LAG3: variants seen among roughly 807,000 people sequenced by gnomAD.
The protein encoded by LAG3 is lymphocyte activating 3, also known as lymphocyte activation gene 3 protein.
In LAG3, 29 loss-of-function variants were observed where a neutral mutation model predicts 49.0. The ratio of observed to expected loss-of-function variants is 0.59; its 90% CI spans 0.44 to 0.81. LAG3 has a LOEUF of 0.81. LAG3 is among the 30% of genes least tolerant of loss of function. The pLI is 0.00. For missense variants in LAG3, 693 were observed against 695.2 expected (o/e 1.00, Z 0.04); for synonymous variants, 320 against 297.3 (o/e 1.08, Z -0.79).
In LAG3 at chr12:6,775,499, T is replaced by C. The variant is rs759009654; in HGVS notation, c.1008T>C (p.His336=). 11 of 1,614,134 alleles carry C rather than the reference T, an allele frequency of 6.8e-6. No homozygotes were observed. The highest frequency in any genetic ancestry group is 2.2e-5 in the East Asian group (1 of 44,888). ...CTGGGACCTACACCTGCCATATCCA[T>C]CTGCAGGAACAGCAGCTCAATGCCA... ...AQAGTYTCHI[H]LQEQQLNATV... Residue 336 remains histidine, a synonymous_variant, in exon 5 of 8, where the codon CAT becomes CAC. Transcript: ENST00000203629.
rs756319241 is a variant in LAG3, at chr12:6,774,781, C to G, written c.698C>G (p.Pro233Arg). Reference sequence around the variant, plus strand: ...TTCCTCTTCCTGCCCCAAGTCAGCCCCATGGACTCTGGGCCCTGGGGCTGC... The same window carrying G: ...TTCCTCTTCCTGCCCCAAGTCAGCCGCATGGACTCTGGGCCCTGGGGCTGC... ...ESFLFLPQVS[P>R]MDSGPWGCIL... is the part of the protein sequence containing the mutation. The change falls in exon 4 of 8, where the codon CCC becomes CGC. Residue 233 changes from proline (P) to arginine (R), a missense_variant. Transcript: ENST00000203629. 1 of 1,614,158 alleles carries G rather than the reference C, an allele frequency of 6.2e-7. No homozygotes were observed. The highest frequency in any genetic ancestry group is 8.5e-7 in the Non-Finnish European group (1 of 1,180,006).
At chr12:6,776,254 C>T (rs1475235432) in intron 5 of LAG3, among the ~76,000 whole-genome samples, 1 of 152,140 alleles carries the variant, frequency 6.6e-6, no homozygotes, top group Non-Finnish European at 1.5e-5. Context: ...GTTATACCAC[C>T]TCTCAGCCGC....
chr12:6,773,074 A>T lies in LAG3; in HGVS notation c.59-118A>T. ...GAAAGCCTCTCTGGGCAGAGAAGAA[A>T]CAGAAACCCAAGTTCTTCCTGCACC... On this transcript the variant is annotated intron_variant, in intron 1 of 7. Coordinates refer to ENST00000203629, the MANE Select transcript of LAG3 (RefSeq NM_002286.6). This position sits in a 1 kb window ranked among gnomAD's most constrained non-coding sequence, Gnocchi z 5.5. The T allele has an allele frequency of 2.1e-6, 3 of 1,422,488 alleles. No homozygotes were observed. The highest frequency in any genetic ancestry group is 2.9e-6 in the Non-Finnish European group (3 of 1,041,554). 88.1% of individuals were successfully genotyped at this position (1,422,488 alleles called of 1,614,324 possible).
chr12:6,774,267 G>A (rs1026543789), intron 3 of LAG3, among the ~76,000 whole-genome samples: 3 of 152,224 alleles, frequency 2.0e-5, no homozygotes, highest in African/African-American at 4.8e-5. Flanking sequence ...GGGGAGGGGG[G>A]GAGAGCATGG....
chr12:6,773,476 C>A lies in LAG3; in HGVS notation c.206+137C>A. ...CCCAGTCTCCCTGCCCTCGCTTGCA[C>A]CGTTCCTGCCCTTGCTCTGCAATCA... On this transcript the variant is annotated intron_variant, in intron 2 of 7. Coordinates refer to ENST00000203629, the MANE Select transcript of LAG3 (RefSeq NM_002286.6). The surrounding 1 kb of genome is among the most constrained non-coding windows in gnomAD (Gnocchi z 5.5). 1 of 1,179,996 alleles carries A rather than the reference C, an allele frequency of 8.5e-7. No individual in the cohort carries two copies. Among genetic ancestry groups the A allele is most frequent in the Non-Finnish European group, 1.2e-6 (1 of 850,844 alleles). The allele number at this position is 1,179,996 out of a possible 1,614,324, so 73.1% of individuals were successfully genotyped here.
Position 6,772,623 on chromosome 12 carries a change from T to G in LAG3, c.-230T>G, listed in dbSNP as rs1463883295. ...CTGGGACACCCCCGCCCCCACCTCCTCAGGCTGCCTGATCTGCCCAGCTTT... is the reference window on the plus strand; with the variant it reads ...CTGGGACACCCCCGCCCCCACCTCCGCAGGCTGCCTGATCTGCCCAGCTTT... On this transcript the variant is annotated 5_prime_UTR_variant, in exon 1 of 8. Coordinates refer to ENST00000203629, the MANE Select transcript of LAG3 (RefSeq NM_002286.6). 1.1e-4 allele frequency: 23 copies of G among 203,122 alleles called. No individual in the cohort carries two copies. The highest frequency in any genetic ancestry group is 3.8e-5 in the Non-Finnish European group (4 of 104,722). The allele number at this position is 203,122 out of a possible 1,614,324, so 12.6% of individuals were successfully genotyped here.
chr12:6,773,709 T>G lies in LAG3; in HGVS notation c.219T>G (p.Ala73=). The part of the protein sequence containing the change: ...WQHQPDSGPP[A]AAPGHPLAPG... ...CTTTCCCGCCCAGTGGCCCGCCCGC[T>G]GCCGCCCCCGGCCATCCCCTGGCCC... The change falls in exon 3 of 8, where the codon GCT becomes GCG. Residue 73 remains alanine (A), a synonymous_variant. Coordinates refer to ENST00000203629, the MANE Select transcript of LAG3 (RefSeq NM_002286.6). This position sits in a 1 kb window ranked among gnomAD's most constrained non-coding sequence, Gnocchi z 5.5. The G allele has an allele frequency of 7.4e-7, 1 of 1,352,968 alleles. No individual in the cohort carries two copies. Among genetic ancestry groups the G allele is most frequent in the Non-Finnish European group, 9.4e-7 (1 of 1,059,110 alleles). The allele number at this position is 1,352,968 out of a possible 1,614,324, so 83.8% of individuals were successfully genotyped here. A position where few individuals can be genotyped will look rare whatever the true frequency, so the allele number is the denominator to read the frequency against.
Position 6,773,048 on chromosome 12 carries a change from C to G in LAG3, c.58+138C>G. 1 of 1,374,372 alleles carries G rather than the reference C, an allele frequency of 7.3e-7. No homozygotes were observed. The highest frequency in any genetic ancestry group is 1.0e-6 in the Non-Finnish European group (1 of 988,990). 85.1% of individuals were successfully genotyped at this position (1,374,372 alleles called of 1,614,324 possible). A position where few individuals can be genotyped will look rare whatever the true frequency, so the allele number is the denominator to read the frequency against. ...CCTTTTTTGGGCAGTCCTTCCACCC[C>G]GAAAGCCTCTCTGGGCAGAGAAGAA... On this transcript the variant is annotated intron_variant, in intron 1 of 7. Coordinates refer to ENST00000203629, the MANE Select transcript of LAG3 (RefSeq NM_002286.6). The surrounding 1 kb of genome is among the most constrained non-coding windows in gnomAD (Gnocchi z 5.5).
chr12:6,775,160 C>A, intron 4 of LAG3, 113 bp from the exon 5 acceptor site: 1 of 1,209,260 alleles, frequency 8.3e-7, no homozygotes, highest in Non-Finnish European at 1.2e-6. Flanking sequence ...CTCCTTAGCA[C>A]TCTTATGAGC....
In LAG3 at chr12:6,774,671, C is replaced by T. The variant is rs773082311; in HGVS notation, c.588C>T (p.Arg196=). 7 of 1,614,080 alleles carry T rather than the reference C, an allele frequency of 4.3e-6. No individual in the cohort carries two copies. Among genetic ancestry groups the T allele is most frequent in the East Asian group, 2.2e-5 (1 of 44,896 alleles). ...ILNCSFSRPD[R]PASVHWFRNR... ...ACTGCTCCTTCAGCCGCCCTGACCG[C>T]CCAGCCTCTGTGCATTGGTTCCGGA... The change falls in exon 4 of 8, where the codon CGC becomes CGT. Residue 196 remains arginine, a synonymous_variant. Coordinates refer to ENST00000203629, the MANE Select transcript of LAG3 (RefSeq NM_002286.6).
At chr12:6,774,067 G>A in intron 3 of LAG3, 66 bp downstream of exon 3, 2 of 1,369,040 alleles carry the variant, frequency 1.5e-6, no homozygotes, top group Non-Finnish European at 1.9e-6. Context: ...CTCCCGGGAC[G>A]CAGGAAGGGC....
chr12:6,777,223 G>T, intron 5 of LAG3, 41 bp from the exon 6 acceptor site: 4 of 1,612,436 alleles, frequency 2.5e-6, no homozygotes, highest in Non-Finnish European at 2.5e-6. Context: ...CACGTAAGGG[G>T]GGCAGAATCC....
In LAG3 at chr12:6,773,944, C is replaced by A; in HGVS notation, c.454C>A (p.His152Asn). 1 of 1,415,750 alleles carries A rather than the reference C, an allele frequency of 7.1e-7. No individual in the cohort carries two copies. Among genetic ancestry groups the A allele is most frequent in the Non-Finnish European group, 9.1e-7 (1 of 1,093,898 alleles). The allele number at this position is 1,415,750 out of a possible 1,614,324, so 87.7% of individuals were successfully genotyped here. ...ADAGEYRAAV[H>N]LRDRALSCRL... ...CGCCGGCGAGTACCGCGCCGCGGTGCACCTCAGGGACCGCGCCCTCTCCTG... is the reference window on the plus strand; with the variant it reads ...CGCCGGCGAGTACCGCGCCGCGGTGAACCTCAGGGACCGCGCCCTCTCCTG... Residue 152 changes from histidine (H) to asparagine (N), a missense_variant, in exon 3 of 8, where the codon CAC becomes AAC. By Grantham distance (68) the His-to-Asn change is moderately conservative (BLOSUM62 1). Transcript: ENST00000203629. The surrounding 1 kb of genome is among the most constrained non-coding windows in gnomAD (Gnocchi z 5.5).
At chr12:6,776,347 C>T (rs1314972800) in intron 5 of LAG3, among the ~76,000 whole-genome samples, 1 of 152,198 alleles carries the variant, frequency 6.6e-6, no homozygotes, top group East Asian at 1.9e-4. Flanking sequence ...CCATCCACCT[C>T]GAAACCTGGC....
Position 6,775,380 on chromosome 12 carries a change from A to C in LAG3, c.889A>C (p.Lys297Gln), listed in dbSNP as rs777356272. The C allele has an allele frequency of 6.2e-7, 1 of 1,614,194 alleles. No homozygotes were observed. Among genetic ancestry groups the C allele is most frequent in the Admixed American group, 1.7e-5 (1 of 60,028 alleles). ...GGGGACCCGGTCTTTCCTCACTGCCAAGTGGACTCCTCCTGGGGGAGGCCC... is the reference window on the plus strand; with the variant it reads ...GGGGACCCGGTCTTTCCTCACTGCCCAGTGGACTCCTCCTGGGGGAGGCCC... ...GVGTRSFLTAKWTPPGGGPDL... is the reference protein window; with the variant it reads ...GVGTRSFLTAQWTPPGGGPDL... The change falls in exon 5 of 8, where the codon AAG (lysine) becomes CAG (glutamine). Residue 297 changes from lysine (K) to glutamine (Q), a missense_variant. Transcript: ENST00000203629.
chr12:6,773,000 T>C, intron 1 of LAG3, 90 bp downstream of exon 1: 1 of 1,455,366 alleles, frequency 6.9e-7, no homozygotes, highest in Non-Finnish European at 9.6e-7. Context: ...CTGAGGTCCT[T>C]AGCTCTGTGG....
chr12:6,777,723 G>A, intron 6 of LAG3, 68 bp from the exon 7 acceptor site: 2 of 1,575,010 alleles, frequency 1.3e-6, no homozygotes, highest in African/African-American at 1.3e-5. Flanking sequence ...CATCTGTAAA[G>A]TCTGAGAGAA....
chr12:6,776,390 G>T (rs978509515), intron 5 of LAG3, among the ~76,000 whole-genome samples: 3 of 152,126 alleles, frequency 2.0e-5, no homozygotes, highest in Non-Finnish European at 4.4e-5. Context: ...AGTCATCAAA[G>T]TCCACCAGTT....
Position 6,775,459 on chromosome 12 carries a change from T to C in LAG3, c.968T>C (p.Val323Ala). The change falls in exon 5 of 8, where the codon GTG becomes GCG. Residue 323 changes from valine (V) to alanine (A), a missense_variant. Transcript: ENST00000203629. ...GACTTTACCCTTCGACTAGAGGATG[T>C]GAGCCAGGCCCAGGCTGGGACCTAC... ...NGDFTLRLEDVSQAQAGTYTC... is the reference protein window; with the variant it reads ...NGDFTLRLEDASQAQAGTYTC... The C allele has an allele frequency of 6.2e-7, 1 of 1,614,044 alleles. No individual in the cohort carries two copies. The highest frequency in any genetic ancestry group is 8.5e-7 in the Non-Finnish European group (1 of 1,180,002).
Sources: allele counts gnomAD v4.1 joint callset (sites outside exome capture counted in the v4.1 genomes callset), GRCh38; gene constraint gnomAD v4.1.1; non-coding constraint Gnocchi (gnomAD v3.1); transcripts MANE v1.5; gene names NCBI Gene and HGNC (gene_info 2026-07-23, HGNC 2026-07-21).